Variants in SLC35F4 observed in about 807,000 individuals in gnomAD.
SLC35F4 encodes chromosome 14 open reading frame 36.
In SLC35F4, 24 loss-of-function variants were observed where a neutral mutation model predicts 44.2. The observed-to-expected ratio is 0.54, with a 90% CI of 0.39 to 0.76. SLC35F4 has a LOEUF of 0.76. Ranked by LOEUF, SLC35F4 falls within the 30% of genes least tolerant of loss-of-function variation. The pLI, the probability that SLC35F4 is intolerant of heterozygous loss-of-function variation, is 0.00. For missense variants in SLC35F4, 562 were observed against 586.1 expected (o/e 0.96, Z 0.42); for synonymous variants, 238 against 223.6 (o/e 1.06, Z -0.57).
chr14:57,771,438 C>T (rs1223135878), intron 1 of SLC35F4, among the ~76,000 whole-genome samples: 3 of 152,082 alleles, frequency 2.0e-5, no homozygotes, highest in Non-Finnish European at 4.4e-5. Flanking sequence ...TACTACAGTA[C>T]CATGAATAAA....
intron 3 of SLC35F4, among the ~76,000 whole-genome samples, chr14:57,587,883 A>AAG (rs1555355687): frequency 1.3e-5 from 2 of 151,936 alleles, no homozygotes; most frequent in African/African-American, 2.4e-5. Flanking sequence ...AAAAAAAAAA[A>AAG]AAAAAGAAAA....
At chr14:57,807,923 A>C (rs935231166) in intron 1 of SLC35F4, among the ~76,000 whole-genome samples, 9 of 151,746 alleles carry the variant, frequency 5.9e-5, no homozygotes, top group Non-Finnish European at 1.3e-4. Context: ...AGGAGGAGCA[A>C]AGGCATGTTT....
At chr14:57,587,367 C>T (rs144873007) in intron 3 of SLC35F4, among the ~76,000 whole-genome samples, 38 of 152,278 alleles carry the variant, frequency 2.5e-4, no homozygotes, top group African/African-American at 7.7e-4. Flanking sequence ...AGACTTGGAA[C>T]GAACCCAAAT....
intron 1 of SLC35F4, among the ~76,000 whole-genome samples, chr14:57,645,967 T>C (rs1158631421): frequency 6.6e-6 from 1 of 152,226 alleles, no homozygotes; most frequent in Non-Finnish European, 1.5e-5. Context: ...ATCCCAGGGA[T>C]GAAGCCCACT....
Position 57,893,056 on chromosome 14 carries a change from G to C in SLC35F4, n.282+88857C>G, listed in dbSNP as rs562224418. Among the ~76,000 whole-genome samples the C allele has an allele frequency of 8.7e-4, 132 of 152,200 alleles. 1 individual carries two copies. Among genetic ancestry groups the C allele is most frequent in the Non-Finnish European group, 1.6e-3 (112 of 68,026 alleles). On this transcript the variant is annotated intron_variant and non_coding_transcript_variant, in intron 1 of 1. Coordinates refer to the SLC35F4 transcript ENST00000556568. The stretch of plus-strand genomic sequence containing the variant: ...TTTGAAGATAACAAAAATAGTTATG[G>C]CTCTAAATTTTTTTTATCAGTTGGG...
chr14:57,827,403 T>C (rs1471701530), intron 1 of SLC35F4, among the ~76,000 whole-genome samples: 1 of 152,116 alleles, frequency 6.6e-6, no homozygotes, highest in East Asian at 1.9e-4. Flanking sequence ...CTGGGCTCAA[T>C]ACCTAGGAGA....
chr14:57,708,573 C>T lies in SLC35F4; in HGVS notation c.104-114449G>A, dbSNP rs543794287. Among the ~76,000 whole-genome samples, 6 of 152,324 alleles carry T rather than the reference C, an allele frequency of 3.9e-5. No individual in the cohort carries two copies. The South Asian group carries it at 1.2e-3, about 32-fold the overall frequency. On this transcript the variant is annotated intron_variant, in intron 1 of 7. Transcript: ENST00000556826. ...ACAATGAAGTCCAGGCTGAGGTGTTCTCAGTTGCAGATGAGAAACTTGTTG... is the reference window on the plus strand; with the variant it reads ...ACAATGAAGTCCAGGCTGAGGTGTTTTCAGTTGCAGATGAGAAACTTGTTG...
Position 57,673,886 on chromosome 14 carries a change from T to A in SLC35F4, c.104-79762A>T, listed in dbSNP as rs529274122. 4.0e-4 allele frequency among the ~76,000 whole-genome samples: 61 copies of A among 152,020 alleles called. 1 individual carries two copies. The highest frequency in any genetic ancestry group is 7.5e-4 in the Non-Finnish European group (51 of 68,024). ...CTAGCAAAATTAATAAGACTACTAA[T>A]CTAACAAAGCACTGTTATCAAGGAT... is the stretch of plus-strand genomic sequence containing the variant. On this transcript the variant is annotated intron_variant, in intron 1 of 7. Transcript: ENST00000556826.
At chr14:57,895,573 G>A (rs915137173) in intron 1 of SLC35F4, among the ~76,000 whole-genome samples, 13 of 143,674 alleles carry the variant, frequency 9.0e-5, no homozygotes, top group South Asian at 2.3e-4. Flanking sequence ...CTTCTCTCTC[G>A]CTCTCTCACT....
chr14:57,828,299 A>T (rs1242084246), intron 1 of SLC35F4, among the ~76,000 whole-genome samples: 1 of 152,154 alleles, frequency 6.6e-6, no homozygotes, highest in Non-Finnish European at 1.5e-5. Flanking sequence ...ACATGATGAA[A>T]ATGTTCTCTC....
intron 1 of SLC35F4, among the ~76,000 whole-genome samples, chr14:57,695,835 G>A (rs1225736355): frequency 6.6e-6 from 1 of 152,144 alleles, no homozygotes; most frequent in Non-Finnish European, 1.5e-5. Flanking sequence ...GAAATACTAT[G>A]CAGCCATAAA....
At chr14:57,697,919 G>C (rs940149842) in intron 1 of SLC35F4, among the ~76,000 whole-genome samples, 2 of 152,140 alleles carry the variant, frequency 1.3e-5, no homozygotes, top group Admixed American at 6.6e-5. Flanking sequence ...CTGTAAGGTA[G>C]AATAAATGAG....
intron 1 of SLC35F4, among the ~76,000 whole-genome samples, chr14:57,970,576 A>T (rs1881023586): frequency 6.6e-6 from 1 of 152,222 alleles, no homozygotes; most frequent in African/African-American, 2.4e-5. Context: ...TCAATTATTT[A>T]TAACAAGAAA....
chr14:57,761,755 C>T (rs947337635), intron 1 of SLC35F4, among the ~76,000 whole-genome samples: 1 of 152,042 alleles, frequency 6.6e-6, no homozygotes, highest in African/African-American at 2.4e-5. Context: ...TTAAGATTAG[C>T]GCAAAAGATC....
intron 1 of SLC35F4, among the ~76,000 whole-genome samples, chr14:57,623,111 A>C (rs2072280420): frequency 1.3e-5 from 2 of 152,176 alleles, no homozygotes; most frequent in African/African-American, 2.4e-5. Context: ...TAAGAGATGG[A>C]AGAATATTTA....
chr14:57,702,257 T>G (rs868132478), intron 1 of SLC35F4, among the ~76,000 whole-genome samples: 5 of 150,172 alleles, frequency 3.3e-5, no homozygotes, highest in Admixed American at 6.7e-5. Flanking sequence ...TTTACCCCCC[T>G]GAATACGCAC....
intron 1 of SLC35F4, among the ~76,000 whole-genome samples, chr14:57,791,253 T>C (rs955187669): frequency 6.6e-6 from 1 of 151,954 alleles, no homozygotes; most frequent in African/African-American, 2.4e-5. Context: ...AGGTCTAATA[T>C]CCACAGTCTA....
chr14:57,823,572 G>T (rs1883408960), intron 1 of SLC35F4, among the ~76,000 whole-genome samples: 1 of 152,114 alleles, frequency 6.6e-6, no homozygotes, highest in African/African-American at 2.4e-5. Context: ...TATAGTGCCT[G>T]GTTCCTAGTT....
At chr14:57,576,538 C>T (rs1286354937) in intron 4 of SLC35F4, among the ~76,000 whole-genome samples, 1 of 152,182 alleles carries the variant, frequency 6.6e-6, no homozygotes, top group Non-Finnish European at 1.5e-5. Flanking sequence ...TATGGCTATA[C>T]AGAATCCTTA....
Sources: gnomAD v4.1 joint callset for allele counts (sites outside exome capture counted in the v4.1 genomes callset) on GRCh38, gnomAD v4.1.1 for gene constraint, MANE v1.5 for transcripts, NCBI Gene and HGNC (gene_info 2026-07-23, HGNC 2026-07-21) for gene names.